Variants in MED13L observed in about 807,000 individuals in gnomAD.
MED13L encodes mediator of RNA polymerase II transcription subunit 13-like.
A neutral mutation model predicts 220.9 loss-of-function variants in MED13L; 7 were observed. The observed-to-expected ratio is 0.03, with a 90% CI of 0.02 to 0.06. The LOEUF (loss-of-function observed/expected upper bound fraction) is 0.06, where lower values mean the gene tolerates loss of function less well. Ranked by LOEUF, MED13L falls within the 10% of genes least tolerant of loss-of-function variation. The probability of loss-of-function intolerance (pLI) is 1.00; values close to 1 mark genes in which losing one functional copy is unlikely to be tolerated. For missense variants in MED13L, 1,965 were observed against 2,760.5 expected (o/e 0.71, Z 6.46); for synonymous variants, 1,011 against 1,015.2 (o/e 1.00, Z 0.08).
At chr12:116,249,240 A>G (rs1022688476) in intron 1 of MED13L, among the ~76,000 whole-genome samples, 3 of 152,228 alleles carry the variant, frequency 2.0e-5, no homozygotes, top group Non-Finnish European at 4.4e-5. Context: ...TGCCCATAAA[A>G]TGACCATACC....
chr12:115,986,438 T>G lies in MED13L; in HGVS notation c.4166A>C (p.Tyr1389Ser), dbSNP rs765745700. The G allele has an allele frequency of 1.2e-6, 2 of 1,614,154 alleles. No individual in the cohort carries two copies. Among genetic ancestry groups the G allele is most frequent in the Admixed American group, 1.7e-5 (1 of 60,026 alleles). Residue 1389 changes from tyrosine to serine, a missense_variant, in exon 19 of 31, where the codon TAT (tyrosine) becomes TCT (serine). Tyr to Ser is a moderately radical substitution (Grantham distance 144, BLOSUM62 -2). Around this residue, in one of 10 missense-constraint regions of MED13L, gnomAD observed 510 missense variants for 620.4 expected, o/e 0.82. Coordinates refer to ENST00000281928, the MANE Select transcript of MED13L (RefSeq NM_015335.5). ...CGAGATGGTGAGGAAATCCTTGTCA[T>G]AGCCTACCAGCAGAGTGGGGATGGG... is the stretch of plus-strand genomic sequence containing the variant. ...PLPIPTLLVG[Y>S]DKDFLTISPF...
chr12:116,106,858 G>GA (rs537402839), intron 3 of MED13L, among the ~76,000 whole-genome samples: 534 of 141,324 alleles, frequency 3.8e-3, no homozygotes, highest in Non-Finnish European at 5.8e-3. Context: ...AAAAAAAAGG[G>GA]AAAAAAAAAA....
Position 115,987,377 on chromosome 12 carries a change from G to C in MED13L, c.3935-89C>G, listed in dbSNP as rs918269985. The C allele has an allele frequency of 9.1e-6, 11 of 1,210,210 alleles. No homozygotes were observed. The African/African-American group carries it at 1.5e-4, about 17-fold the overall frequency. The allele number at this position is 1,210,210 out of a possible 1,614,324, so 75.0% of individuals were successfully genotyped here. ...TCACCTCGAGCCTCAGTTATATTCA[G>C]AACAATGACGTTATTAGCTGTAGTA... On this transcript the variant is annotated intron_variant, in intron 17 of 30. Transcript: ENST00000281928.
At chr12:116,219,236 A>C (rs1320974995) in intron 2 of MED13L, among the ~76,000 whole-genome samples, 2 of 152,182 alleles carry the variant, frequency 1.3e-5, no homozygotes, top group Non-Finnish European at 2.9e-5. Context: ...CATCTAATCA[A>C]GGAAAGTGAA....
intron 4 of MED13L, among the ~76,000 whole-genome samples, chr12:116,025,666 C>A (rs1284813634): frequency 6.6e-6 from 1 of 152,084 alleles, no homozygotes; most frequent in Non-Finnish European, 1.5e-5. Flanking sequence ...CATGTGGAAT[C>A]TAAAAAACCT....
intron 2 of MED13L, among the ~76,000 whole-genome samples, chr12:116,139,372 T>C (rs1218898316): frequency 6.6e-6 from 1 of 152,220 alleles, no homozygotes; most frequent in Non-Finnish European, 1.5e-5. Context: ...ATAATGCAGA[T>C]TCTTCTTTTT....
chr12:116,192,692 T>TA (rs1282412653), intron 2 of MED13L, among the ~76,000 whole-genome samples: 2 of 151,984 alleles, frequency 1.3e-5, no homozygotes, highest in Admixed American at 6.6e-5. Context: ...AAGGAATAAT[T>TA]AAAAAAACAA....
At chr12:116,072,136 A>G (rs1374264025) in intron 4 of MED13L, among the ~76,000 whole-genome samples, 1 of 152,236 alleles carries the variant, frequency 6.6e-6, no homozygotes, top group Non-Finnish European at 1.5e-5. Flanking sequence ...CAGTTCACCA[A>G]ATAACACAGT....
rs186361967 is a variant in MED13L at position 116,057,731 on chromosome 12, G to T, written c.480-35130C>A. 3.7e-4 allele frequency among the ~76,000 whole-genome samples: 56 copies of T among 151,920 alleles called. No individual in the cohort carries two copies. In the East Asian group the frequency reaches 4.8e-3, roughly 13 times the overall value. ...TTACTTCCATCTGGCAAAATTTGAT[G>T]GTTTCCTTCACTTACTAAAGTTGAT... On this transcript the variant is annotated intron_variant, in intron 4 of 30. Coordinates refer to ENST00000281928, the MANE Select transcript of MED13L (RefSeq NM_015335.5).
intron 2 of MED13L, among the ~76,000 whole-genome samples, chr12:116,228,784 T>C (rs1869258841): frequency 6.6e-6 from 1 of 152,202 alleles, no homozygotes; most frequent in African/African-American, 2.4e-5. Context: ...ATTTAGGCCC[T>C]AAATTCTACC....
chr12:116,005,800 T>C, intron 13 of MED13L, 69 bp downstream of exon 13: 1 of 1,584,712 alleles, frequency 6.3e-7, no homozygotes, highest in Non-Finnish European at 8.7e-7. Flanking sequence ...TATAAAGAAA[T>C]ACTACAACAC....
At chr12:116,191,907 G>A (rs939584801) in intron 2 of MED13L, among the ~76,000 whole-genome samples, 8 of 151,924 alleles carry the variant, frequency 5.3e-5, no homozygotes, top group East Asian at 1.9e-4. Flanking sequence ...TCAAATCACC[G>A]AGGAACTATC....
chr12:116,264,705 T>C (rs971457349), intron 1 of MED13L, among the ~76,000 whole-genome samples: 2 of 152,208 alleles, frequency 1.3e-5, no homozygotes. Context: ...TTTCCTTGTA[T>C]CTTCCATCTT....
chr12:116,053,077 C>T (rs991367221), intron 4 of MED13L, among the ~76,000 whole-genome samples: 6 of 152,058 alleles, frequency 3.9e-5, no homozygotes, highest in African/African-American at 1.4e-4. Flanking sequence ...GAAAGATTTA[C>T]GGAAAACATT....
At chr12:116,222,304 G>A (rs553520122) in intron 2 of MED13L, among the ~76,000 whole-genome samples, 5 of 152,154 alleles carry the variant, frequency 3.3e-5, no homozygotes, top group Non-Finnish European at 7.3e-5. Context: ...CGTCACAGAA[G>A]TGGCATTGTA....
chr12:116,059,417 C>CT (rs773277217), intron 4 of MED13L, among the ~76,000 whole-genome samples: 10,233 of 137,728 alleles, frequency 0.074, 944 homozygotes, highest in East Asian at 0.38. Context: ...TTATACCGTA[C>CT]TTTTTTTTTT....
chr12:116,106,392 T>C (rs1369214736), intron 3 of MED13L, among the ~76,000 whole-genome samples: 1 of 152,206 alleles, frequency 6.6e-6, no homozygotes, highest in Non-Finnish European at 1.5e-5. Context: ...GGTTGCGTTA[T>C]AAATGATCCC....
rs549041039 is a variant in MED13L at position 116,276,769 on chromosome 12, G to T, written c.72+291C>A. 1.7e-5 allele frequency: 22 copies of T among 1,306,530 alleles called. No homozygotes were observed. In the East Asian group the frequency reaches 6.8e-4, roughly 40 times the overall value. 80.9% of individuals were successfully genotyped at this position (1,306,530 alleles called of 1,614,324 possible). On this transcript the variant is annotated intron_variant, in intron 1 of 30. Transcript: ENST00000281928. ...GGGGAGTGCGATTGCAACAGAGGGT[G>T]GGCGTTCGAAGTGCGACCCAGAATC...
chr12:116,266,309 G>A (rs1027842620), intron 1 of MED13L, among the ~76,000 whole-genome samples: 4 of 152,188 alleles, frequency 2.6e-5, no homozygotes, highest in Admixed American at 6.5e-5. Context: ...GTGCTAAAAT[G>A]CAAAGAAATA....
Sources: allele counts gnomAD v4.1 joint callset (sites outside exome capture counted in the v4.1 genomes callset), GRCh38; gene constraint gnomAD v4.1.1; regional missense constraint gnomAD v4.1.1; transcripts MANE v1.5; gene names NCBI Gene and HGNC (gene_info 2026-07-23, HGNC 2026-07-21).